The following CRPPA variants were observed in gnomAD, a reference collection of about 807,000 sequenced individuals.
The protein encoded by CRPPA is D-ribitol-5-phosphate cytidylyltransferase.
Under a neutral mutation model 52.0 loss-of-function variants are expected in CRPPA, and 43 were observed. The ratio of observed to expected loss-of-function variants is 0.83; its 90% CI spans 0.65 to 1.07. The LOEUF (loss-of-function observed/expected upper bound fraction) is 1.07, where lower values mean the gene tolerates loss of function less well. Among genes scored for constraint, CRPPA ranks in the 50% least tolerant of loss-of-function variants. The probability of loss-of-function intolerance (pLI) is 0.00; values close to 1 mark genes in which losing one functional copy is unlikely to be tolerated. For synonymous variants in CRPPA, 250 were observed against 203.5 expected (o/e 1.23, Z -1.94); for missense variants, 629 against 551.7 (o/e 1.14, Z -1.40).
chr7:16,270,481 A>T (rs1382221983), intron 6 of CRPPA: 1 of 152,180 alleles, frequency 6.6e-6, no homozygotes, highest in East Asian at 1.9e-4. Context: ...TATTTAATAC[A>T]ACATCAATAT....
chr7:16,383,495 G>A (rs993302210), intron 2 of CRPPA, among the ~76,000 whole-genome samples: 1 of 152,318 alleles, frequency 6.6e-6, no homozygotes, highest in Middle Eastern at 3.4e-3. Context: ...CTCCAGCTGT[G>A]TGCTGGGAGA....
At chr7:16,314,150 A>G (rs1000491948) in intron 3 of CRPPA, among the ~76,000 whole-genome samples, 2 of 150,374 alleles carry the variant, frequency 1.3e-5, no homozygotes, top group African/African-American at 2.5e-5. Context: ...TTGCAATTCT[A>G]TTAGTTTTTG....
In CRPPA at chr7:16,352,327, G is replaced by A. The variant is rs182912958; in HGVS notation, c.684+23765C>T. On this transcript the variant is annotated intron_variant, in intron 3 of 9. Coordinates refer to ENST00000407010, the MANE Select transcript of CRPPA (RefSeq NM_001101426.4). ...AAAAACTTAGATGGCGGGTTGATAGGTGCAGCAAACCACCATGGCATATGT... is the reference window on the plus strand; with the variant it reads ...AAAAACTTAGATGGCGGGTTGATAGATGCAGCAAACCACCATGGCATATGT... Among the ~76,000 whole-genome samples the A allele has an allele frequency of 1.4e-3, 220 of 151,940 alleles. 1 individual carries two copies. The highest frequency in any genetic ancestry group is 4.8e-3 in the African/African-American group (197 of 41,418).
chr7:16,301,897 G>A (rs1784795106), intron 4 of CRPPA, among the ~76,000 whole-genome samples: 1 of 152,106 alleles, frequency 6.6e-6, no homozygotes, highest in African/African-American at 2.4e-5. Flanking sequence ...TATGTTAAGA[G>A]GGACTTCCTT....
At chr7:16,286,070 T>TAAAA (rs1784434938) in intron 5 of CRPPA, among the ~76,000 whole-genome samples, 1 of 21,780 alleles carries the variant, frequency 4.6e-5, no homozygotes, top group African/African-American at 3.1e-4. Context: ...TATATATATA[T>TAAAA]ATATATATAT....
At chr7:16,279,647 T>C (rs1747544459) in intron 5 of CRPPA, among the ~76,000 whole-genome samples, 1 of 152,168 alleles carries the variant, frequency 6.6e-6, no homozygotes, top group African/African-American at 2.4e-5. Context: ...ATCAGATAAC[T>C]CTATAATACA....
chr7:16,185,189 A>G (rs1270753693), intron 9 of CRPPA, among the ~76,000 whole-genome samples: 1 of 152,224 alleles, frequency 6.6e-6, no homozygotes, highest in Admixed American at 6.5e-5. Flanking sequence ...CATGGCAGAA[A>G]GTGAAAGGCG....
At chr7:16,295,626 G>A (rs1784656023) in intron 5 of CRPPA, among the ~76,000 whole-genome samples, 1 of 152,058 alleles carries the variant, frequency 6.6e-6, no homozygotes, top group African/African-American at 2.4e-5. Flanking sequence ...AAATTCCACT[G>A]GGGCTTTTCT....
chr7:16,293,751 A>G (rs900383345), intron 5 of CRPPA, among the ~76,000 whole-genome samples: 6 of 152,036 alleles, frequency 3.9e-5, no homozygotes, highest in African/African-American at 1.4e-4. Context: ...AATGGCACAT[A>G]GGCAGATTTT....
intron 2 of CRPPA, among the ~76,000 whole-genome samples, chr7:16,394,901 T>C (rs1295773853): frequency 6.6e-6 from 1 of 152,306 alleles, no homozygotes; most frequent in East Asian, 1.9e-4. Context: ...TATAAACAGA[T>C]ACAGAAAATG....
chr7:16,365,918 G>T (rs929069659), intron 3 of CRPPA, among the ~76,000 whole-genome samples: 1 of 152,120 alleles, frequency 6.6e-6, no homozygotes, highest in African/African-American at 2.4e-5. Flanking sequence ...ACACCCAGAA[G>T]ACAGTGGACA....
At chr7:16,369,001 C>G (rs1262224254) in intron 3 of CRPPA, among the ~76,000 whole-genome samples, 1 of 151,980 alleles carries the variant, frequency 6.6e-6, no homozygotes, top group Non-Finnish European at 1.5e-5. Flanking sequence ...GAAATTCATC[C>G]AGCAATATTT....
At chr7:16,347,102 G>A (rs1218080744) in intron 3 of CRPPA, among the ~76,000 whole-genome samples, 4 of 151,770 alleles carry the variant, frequency 2.6e-5, no homozygotes, top group Non-Finnish European at 5.9e-5. Flanking sequence ...CTTTACATAG[G>A]TTAGCTCATC....
At chr7:16,150,582 T>G (rs1783058774) in intron 9 of CRPPA, among the ~76,000 whole-genome samples, 1 of 152,152 alleles carries the variant, frequency 6.6e-6, no homozygotes, top group Non-Finnish European at 1.5e-5. Flanking sequence ...TTTTTAGAAT[T>G]AAAAAACACT....
At chr7:16,176,666 T>A (rs757753737) in intron 9 of CRPPA, among the ~76,000 whole-genome samples, 1 of 152,136 alleles carries the variant, frequency 6.6e-6, no homozygotes, top group Non-Finnish European at 1.5e-5. Context: ...GTACTCTAAC[T>A]CCTGGGCTCA....
At chr7:16,326,177 T>A (rs1785384747) in intron 3 of CRPPA, among the ~76,000 whole-genome samples, 1 of 152,160 alleles carries the variant, frequency 6.6e-6, no homozygotes, top group African/African-American at 2.4e-5. Flanking sequence ...TAATAAATAT[T>A]TCCTCAGTGT....
chr7:16,210,988 T>C lies in CRPPA; in HGVS notation c.1251+5078A>G, dbSNP rs193209890. On this transcript the variant is annotated intron_variant, in intron 9 of 9. Transcript: ENST00000407010. ...TAGAAGAGCATAACTAAAATGTTCCTAGCACAAAGAAAAGATAAATATTCA... is the reference window on the plus strand; with the variant it reads ...TAGAAGAGCATAACTAAAATGTTCCCAGCACAAAGAAAAGATAAATATTCA... Among the ~76,000 whole-genome samples the C allele has an allele frequency of 1.7e-3, 252 of 152,296 alleles. 1 individual carries two copies. The highest frequency in any genetic ancestry group is 3.0e-3 in the Non-Finnish European group (205 of 68,028).
chr7:16,146,483 T>C (rs1009468458), intron 9 of CRPPA, among the ~76,000 whole-genome samples: 1 of 152,106 alleles, frequency 6.6e-6, no homozygotes, highest in South Asian at 2.1e-4. Flanking sequence ...CTCAGAATAT[T>C]AATATTGTAA....
At chr7:16,308,688 C>G (rs905803551) in intron 3 of CRPPA, 61 bp from the exon 4 acceptor site, 1 of 981,916 alleles carries the variant, frequency 1.0e-6, no homozygotes. Flanking sequence ...TAAAACCAAG[C>G]CTTTTATTTC....
Sources: gnomAD v4.1 joint callset for allele counts (sites outside exome capture counted in the v4.1 genomes callset) on GRCh38, gnomAD v4.1.1 for gene constraint, MANE v1.5 for transcripts, NCBI Gene and HGNC (gene_info 2026-07-23, HGNC 2026-07-21) for gene names.